The following KMT2C variants were observed in gnomAD, a reference collection of about 807,000 sequenced individuals.
KMT2C encodes the protein lysine methyltransferase 2C, also known as histone-lysine N-methyltransferase 2C.
KMT2C carries 88 observed loss-of-function variants against 507.9 expected under a neutral mutation model. That is an observed-to-expected ratio of 0.17 (90% CI 0.15 to 0.21). KMT2C has a LOEUF of 0.21. KMT2C is among the 10% of genes least tolerant of loss of function. The pLI, the probability that KMT2C is intolerant of heterozygous loss-of-function variation, is 1.00. For missense variants in KMT2C, 4,954 were observed against 5,957.8 expected (o/e 0.83, Z 5.55); for synonymous variants, 2,049 against 2,080.8 (o/e 0.98, Z 0.42).
intron 9 of KMT2C, among the ~76,000 whole-genome samples, chr7:152,255,373 C>G (rs1268633884): frequency 6.6e-6 from 1 of 151,412 alleles, no homozygotes; most frequent in Admixed American, 6.6e-5. Context: ...ACCATATTGC[C>G]CAGGTTTGTC....
intron 39 of KMT2C, among the ~76,000 whole-genome samples, chr7:152,171,756 G>A (rs2092971768): frequency 1.3e-5 from 2 of 152,168 alleles, no homozygotes; most frequent in African/African-American, 4.8e-5. Context: ...CTAAGGAAAT[G>A]TTTTCTCATT....
At chr7:152,309,236 TTAAATG>T (rs2096647883) in intron 6 of KMT2C, among the ~76,000 whole-genome samples, 1 of 152,078 alleles carries the variant, frequency 6.6e-6, no homozygotes, top group Non-Finnish European at 1.5e-5. Context: ...AATTTCTAAT[TTAAATG>T]TAAACTACTT....
At chr7:152,153,243 G>A (rs930008963) in intron 48 of KMT2C, among the ~76,000 whole-genome samples, 6 of 152,088 alleles carry the variant, frequency 3.9e-5, no homozygotes, top group South Asian at 2.1e-4. Context: ...GACAGACCCC[G>A]TCAGTTCCTA....
rs538397772 is a variant in KMT2C at position 152,282,646 on chromosome 7, ATGT to A, written c.850-8782_850-8780del. Among the ~76,000 whole-genome samples, 32 of 152,226 alleles carry A rather than the reference ATGT, an allele frequency of 2.1e-4. No individual in the cohort carries two copies. The East Asian group carries it at 6.2e-3, about 29-fold the overall frequency. On this transcript the variant is annotated intron_variant, in intron 6 of 58. Transcript: ENST00000262189. The stretch of plus-strand genomic sequence containing the variant: ...GTACAAACATAGGCAAGACTCACCT[ATGT>A]TGTTACTAGATGATAGTGCATGTCT...
At chr7:152,318,117 G>A (rs113854388) in intron 3 of KMT2C, among the ~76,000 whole-genome samples, 7,544 of 151,780 alleles carry the variant, frequency 0.05, 315 homozygotes, top group African/African-American at 0.11. Context: ...CAGCCTAGGC[G>A]ACAGAGCAAG....
chr7:152,364,337 G>A (rs963192155), intron 1 of KMT2C, among the ~76,000 whole-genome samples: 8 of 152,206 alleles, frequency 5.3e-5, no homozygotes, highest in African/African-American at 1.9e-4. Context: ...GCCGGGTGTG[G>A]TGGCTCACGC....
chr7:152,197,921 AAAAT>A (rs935322413), intron 27 of KMT2C, among the ~76,000 whole-genome samples: 58 of 152,160 alleles, frequency 3.8e-4, no homozygotes, highest in African/African-American at 6.0e-4. Flanking sequence ...TTTGTGGAAA[AAAAT>A]AAATAAAGAA....
chr7:152,209,275 T>C (rs1267922240), intron 23 of KMT2C, among the ~76,000 whole-genome samples: 1 of 150,974 alleles, frequency 6.6e-6, no homozygotes, highest in African/African-American at 2.4e-5. Context: ...GCTAACACAG[T>C]GAAACCCTGT....
At chr7:152,293,101 CATGATA>C (rs143647148) in intron 6 of KMT2C, among the ~76,000 whole-genome samples, 7,280 of 152,234 alleles carry the variant, frequency 0.048, 219 homozygotes, top group Non-Finnish European at 0.073. Flanking sequence ...ACAATGACAT[CATGATA>C]TATCACTGGG....
rs1338934636 is a variant in KMT2C, at chr7:152,435,975, T to C, written c.-189A>G. 2.2e-5 allele frequency: 8 copies of C among 362,806 alleles called. No homozygotes were observed. The highest frequency in any genetic ancestry group is 3.7e-5 in the Non-Finnish European group (8 of 214,578). 22.5% of individuals were successfully genotyped at this position (362,806 alleles called of 1,614,324 possible). A position where few individuals can be genotyped will look rare whatever the true frequency, so the allele number is the denominator to read the frequency against. On this transcript the variant is annotated 5_prime_UTR_variant, in exon 1 of 59. Transcript: ENST00000262189. ...AACATGGAGCGAGCAGGACACGCAC[T>C]CACACACATCGGCGCGGGCGCGCGC...
chr7:152,375,730 T>G (rs1407484457), intron 1 of KMT2C, among the ~76,000 whole-genome samples: 1 of 152,118 alleles, frequency 6.6e-6, no homozygotes, highest in African/African-American at 2.4e-5. Context: ...GCACTCACTT[T>G]GTGTCTCTGT....
rs1461694611 is a variant in KMT2C, at chr7:152,435,699, C to T, written c.88G>A (p.Ala30Thr). 6 of 1,539,226 alleles carry T rather than the reference C, an allele frequency of 3.9e-6. No homozygotes were observed. Among genetic ancestry groups the T allele is most frequent in the South Asian group, 1.2e-5 (1 of 84,506 alleles). Residue 30 changes from alanine (A) to threonine (T), a missense_variant, in exon 1 of 59, where the codon GCA becomes ACA. By Grantham distance (58) the Ala-to-Thr change is moderately conservative. Coordinates refer to ENST00000262189, the MANE Select transcript of KMT2C (RefSeq NM_170606.3). Reference protein sequence around the residue: ...EEPGAPAPSPAAADKRPRGRP... With the variant: ...EEPGAPAPSPTAADKRPRGRP... ...CCCCGAGGTCTTTTGTCTGCGGCTGCGGGGCTCGGGGCCGGGGCTCCAGGC... is the reference window on the plus strand; with the variant it reads ...CCCCGAGGTCTTTTGTCTGCGGCTGTGGGGCTCGGGGCCGGGGCTCCAGGC...
Position 152,154,024 on chromosome 7 carries a change from G to A in KMT2C, c.12262C>T (p.Pro4088Ser). Residue 4088 changes from proline (P) to serine (S), a missense_variant, in exon 48 of 59, where the codon CCT becomes TCT. Transcript: ENST00000262189. ...GLISVAITLH[P>S]TAAENISSVV... ...TAATCTTTTACCTCAGCAGCTGTAG[G>A]ATGCAGAGTAATTGCTACAGATATA... 6.2e-7 allele frequency: 1 copy of A among 1,613,834 alleles called. No homozygotes were observed. The highest frequency in any genetic ancestry group is 8.5e-7 in the Non-Finnish European group (1 of 1,179,912).
chr7:152,370,111 G>A (rs557961615), intron 1 of KMT2C, among the ~76,000 whole-genome samples: 16 of 151,806 alleles, frequency 1.1e-4, no homozygotes, highest in Middle Eastern at 3.4e-3. Flanking sequence ...GGAGAATGGC[G>A]TGAACCCTGG....
intron 23 of KMT2C, among the ~76,000 whole-genome samples, chr7:152,210,893 G>A (rs1308947172): frequency 2.6e-5 from 4 of 152,036 alleles, no homozygotes; most frequent in African/African-American, 9.7e-5. Context: ...GACATGAATT[G>A]GAAAGAAGCA....
At chr7:152,157,896 T>G (rs1201471214) in intron 44 of KMT2C, 1 of 1,338,836 alleles carries the variant, frequency 7.5e-7, no homozygotes, top group Admixed American at 2.0e-5. Flanking sequence ...CTCCAATGAT[T>G]GGTTCCATTA....
intron 40 of KMT2C, among the ~76,000 whole-genome samples, 153 bp from the exon 41 acceptor site, chr7:152,169,402 T>A (rs2092863843): frequency 6.6e-6 from 1 of 152,158 alleles, no homozygotes; most frequent in Non-Finnish European, 1.5e-5. Flanking sequence ...AAAAGTAGAG[T>A]GAATTTAGTG....
chr7:152,330,478 C>T, intron 3 of KMT2C, 123 bp downstream of exon 3: 1 of 960,556 alleles, frequency 1.0e-6, no homozygotes, highest in South Asian at 1.5e-5. Context: ...AATTTAGCTA[C>T]TAAATCATAA....
chr7:152,368,781 G>A (rs1350088922), intron 1 of KMT2C: 18 of 733,322 alleles, frequency 2.5e-5, no homozygotes, highest in Non-Finnish European at 3.6e-5. Flanking sequence ...ATTTAACAGC[G>A]TGACAAAAAT....
Sources: allele counts gnomAD v4.1 joint callset (sites outside exome capture counted in the v4.1 genomes callset), GRCh38; gene constraint gnomAD v4.1.1; transcripts MANE v1.5; gene names NCBI Gene and HGNC (gene_info 2026-07-23, HGNC 2026-07-21).